The following KLHL32 variants were observed in gnomAD, a reference collection of about 807,000 sequenced individuals.
The protein encoded by KLHL32 is kelch-like protein 32.
Under a neutral mutation model 64.8 loss-of-function variants are expected in KLHL32, and 35 were observed. The observed-to-expected ratio is 0.54, with a 90% CI of 0.41 to 0.72. KLHL32 has a LOEUF of 0.72. Among genes scored for constraint, KLHL32 ranks in the 30% least tolerant of loss-of-function variants. KLHL32 has a pLI of 0.00. For synonymous variants in KLHL32, 259 were observed against 281.0 expected, an observed-to-expected ratio of 0.92 and a Z score of 0.78; for missense variants, 589 against 768.5, an observed-to-expected ratio of 0.77 and a Z score of 2.76.
rs111270210 is a variant in KLHL32 at position 96,978,309 on chromosome 6, A to G, written c.204+2132A>G. 2.0e-3 allele frequency among the ~76,000 whole-genome samples: 302 copies of G among 152,176 alleles called. 2 individuals carry two copies. The highest frequency in any genetic ancestry group is 7.1e-3 in the African/African-American group (294 of 41,538). On this transcript the variant is annotated intron_variant, in intron 3 of 10. Coordinates refer to ENST00000369261, the MANE Select transcript of KLHL32 (RefSeq NM_052904.4). ...TCCCTTCCCCCAACCTCCACCATTA[A>G]GTAGGCCCCAGTGTCTGTTGTTCCC... is the stretch of plus-strand genomic sequence containing the variant.
rs142179982 is a variant in KLHL32, at chr6:96,968,838, G to A, written c.23+1755G>A. On this transcript the variant is annotated intron_variant, in intron 2 of 10. Coordinates refer to ENST00000369261, the MANE Select transcript of KLHL32 (RefSeq NM_052904.4). ...CCCTTGTAGCCCTCTCAAAGTAGTG[G>A]CATTATTATTTCCTCACATCCCATG... Among the ~76,000 whole-genome samples the A allele has an allele frequency of 7.4e-3, 1,124 of 152,186 alleles. 8 individuals carry two copies. The highest frequency in any genetic ancestry group is 0.012 in the Non-Finnish European group (801 of 68,010).
chr6:97,022,573 G>A (rs1418252098), intron 3 of KLHL32, among the ~76,000 whole-genome samples: 1 of 149,390 alleles, frequency 6.7e-6, no homozygotes, highest in South Asian at 2.1e-4. Context: ...AGGTTCAAGC[G>A]ATTCTCCTGC....
intron 3 of KLHL32, among the ~76,000 whole-genome samples, chr6:97,032,960 T>A (rs1620625): frequency 0.17 from 26,450 of 151,388 alleles, 2,779 homozygotes; most frequent in African/African-American, 0.3. Flanking sequence ...ATAGCCACAC[T>A]TGATTTAAAA....
At chr6:97,053,234 A>T (rs1433778388) in intron 4 of KLHL32, among the ~76,000 whole-genome samples, 1 of 152,202 alleles carries the variant, frequency 6.6e-6, no homozygotes, top group East Asian at 1.9e-4. Context: ...GAAGATAATA[A>T]GTAACTAGAC....
intron 1 of KLHL32, among the ~76,000 whole-genome samples, chr6:96,933,646 G>C (rs1306220876): frequency 6.6e-6 from 1 of 152,174 alleles, no homozygotes. Context: ...TCAGGAGAGA[G>C]TCTTTCTATG....
At chr6:96,956,113 C>T (rs566829476) in intron 1 of KLHL32, among the ~76,000 whole-genome samples, 2 of 152,224 alleles carry the variant, frequency 1.3e-5, no homozygotes, top group African/African-American at 4.8e-5. Context: ...CTGGGAATCT[C>T]CCCTTTTTAA....
chr6:96,999,138 GT>G (rs1249095908), intron 3 of KLHL32, among the ~76,000 whole-genome samples: 1 of 152,176 alleles, frequency 6.6e-6, no homozygotes, highest in East Asian at 1.9e-4. Flanking sequence ...ACTCATGCCT[GT>G]AATCTCAACA....
chr6:96,941,518 A>G (rs1192296418), intron 1 of KLHL32, among the ~76,000 whole-genome samples: 2 of 152,234 alleles, frequency 1.3e-5, no homozygotes, highest in African/African-American at 2.4e-5. Flanking sequence ...TAGTCAAATG[A>G]AATGATAGCT....
chr6:97,079,276 CA>C (rs1792099687), intron 5 of KLHL32, among the ~76,000 whole-genome samples: 1 of 152,128 alleles, frequency 6.6e-6, no homozygotes, highest in Non-Finnish European at 1.5e-5. Flanking sequence ...AGATGAGACC[CA>C]CCAGGGGACA....
the KLHL32 span, among the ~76,000 whole-genome samples, chr6:96,911,276 G>A: frequency 6.6e-6 from 1 of 152,102 alleles, no homozygotes; most frequent in Non-Finnish European, 1.5e-5. Context: ...GACGTCTCTT[G>A]CGAAGAAAAA....
At chr6:96,950,945 C>G (rs993450798) in intron 1 of KLHL32, among the ~76,000 whole-genome samples, 2 of 152,062 alleles carry the variant, frequency 1.3e-5, no homozygotes, top group African/African-American at 2.4e-5. Context: ...ATATAGCTGT[C>G]ATTGATTTCT....
chr6:97,030,814 C>T (rs1313167590), intron 3 of KLHL32, among the ~76,000 whole-genome samples: 1 of 152,154 alleles, frequency 6.6e-6, no homozygotes, highest in Non-Finnish European at 1.5e-5. Flanking sequence ...ACATGCAGAA[C>T]ATTTCTGTTA....
At chr6:96,927,795 A>G (rs1769344939) in intron 1 of KLHL32, among the ~76,000 whole-genome samples, 1 of 152,236 alleles carries the variant, frequency 6.6e-6, no homozygotes, top group Non-Finnish European at 1.5e-5. Context: ...ATGTTCTAAC[A>G]AAGTCCTGGC....
chr6:97,048,734 T>G (rs888776642), intron 4 of KLHL32, among the ~76,000 whole-genome samples: 1 of 152,224 alleles, frequency 6.6e-6, no homozygotes, highest in African/African-American at 2.4e-5. Context: ...GTGACAGGAA[T>G]CTTAATTGGA....
intron 1 of KLHL32, among the ~76,000 whole-genome samples, chr6:96,935,857 C>A (rs1237534850): frequency 6.6e-6 from 1 of 152,124 alleles, no homozygotes; most frequent in East Asian, 1.9e-4. Context: ...AATAATATGA[C>A]CTTTTTCTAC....
Position 97,041,591 on chromosome 6 carries a change from A to G in KLHL32, c.304A>G (p.Thr102Ala). 1 of 1,598,702 alleles carries G rather than the reference A, an allele frequency of 6.3e-7. No homozygotes were observed. Among genetic ancestry groups the G allele is most frequent in the Non-Finnish European group, 8.6e-7 (1 of 1,165,832 alleles). ...AAAGCAGGCTCTGGAGTTTGCATAC[A>G]CAGGACAGGTATGGTATTAAATGTG... The part of the protein sequence containing the change: ...GLKQALEFAY[T>A]GQILLEPGVI... The change falls in exon 4 of 11, where the codon ACA becomes GCA. Residue 102 changes from threonine to alanine, a missense_variant. By Grantham distance (58) the Thr-to-Ala change is moderately conservative. Around this residue, in one of 3 missense-constraint regions of KLHL32, gnomAD observed 191 missense variants for 223.3 expected, o/e 0.86. Coordinates refer to ENST00000369261, the MANE Select transcript of KLHL32 (RefSeq NM_052904.4).
At chr6:97,006,588 G>A (rs1476555002) in intron 3 of KLHL32, among the ~76,000 whole-genome samples, 1 of 152,098 alleles carries the variant, frequency 6.6e-6, no homozygotes, top group African/African-American at 2.4e-5. Flanking sequence ...TGATTGTGTA[G>A]TTGCTCTATA....
At chr6:97,077,311 A>T (rs1021220105) in intron 5 of KLHL32, among the ~76,000 whole-genome samples, 1 of 152,194 alleles carries the variant, frequency 6.6e-6, no homozygotes, top group South Asian at 2.1e-4. Context: ...TTCACAAATA[A>T]TAATCATTTG....
intron 3 of KLHL32, among the ~76,000 whole-genome samples, chr6:97,015,586 A>T (rs1204273262): frequency 6.6e-6 from 1 of 152,126 alleles, no homozygotes; most frequent in Non-Finnish European, 1.5e-5. Flanking sequence ...TGAAATTGGA[A>T]CCTATGTTTA....
Sources: gnomAD v4.1 joint callset for allele counts (sites outside exome capture counted in the v4.1 genomes callset) on GRCh38, gnomAD v4.1.1 for gene constraint, gnomAD v4.1.1 regional missense constraint, MANE v1.5 for transcripts, NCBI Gene and HGNC (gene_info 2026-07-23, HGNC 2026-07-21) for gene names.